The following RAB3GAP2 variants were observed in gnomAD, a reference collection of about 807,000 sequenced individuals.
RAB3GAP2 encodes the protein rab3 GTPase-activating protein non-catalytic subunit.
In RAB3GAP2, 87 loss-of-function variants were observed where a neutral mutation model predicts 185.3. The observed-to-expected ratio is 0.47, with a 90% CI of 0.39 to 0.56. The LOEUF is 0.56. Ranked by LOEUF, RAB3GAP2 falls within the 20% of genes least tolerant of loss-of-function variation. The pLI is 0.00. For synonymous variants in RAB3GAP2, 554 were observed against 576.1 expected (o/e 0.96, Z 0.55); for missense variants, 1,492 against 1,638.2 (o/e 0.91, Z 1.54).
intron 18 of RAB3GAP2, among the ~76,000 whole-genome samples, chr1:220,184,853 T>C (rs972277975): frequency 3.3e-5 from 5 of 151,984 alleles, no homozygotes; most frequent in East Asian, 3.9e-4. Flanking sequence ...AAGTGGTGTA[T>C]GCTAAAGGAG....
intron 21 of RAB3GAP2, among the ~76,000 whole-genome samples, chr1:220,181,893 A>T (rs1045759745): frequency 1.4e-5 from 2 of 146,304 alleles, no homozygotes; most frequent in Non-Finnish European, 3.0e-5. Flanking sequence ...CCACAAAAGT[A>T]AAAAAAAAAA....
chr1:220,183,935 TA>T (rs1265138052), intron 19 of RAB3GAP2, 100 bp downstream of exon 19: 26 of 1,056,428 alleles, frequency 2.5e-5, no homozygotes, highest in African/African-American at 1.1e-4. Flanking sequence ...TTTAAAGCTT[TA>T]AAAAAAATTC....
chr1:220,246,760 A>G (rs1412599888), intron 1 of RAB3GAP2, among the ~76,000 whole-genome samples: 1 of 127,528 alleles, frequency 7.8e-6, no homozygotes, highest in East Asian at 2.5e-4. Context: ...TCACACTCTG[A>G]GGACTGTCGT....
rs1003290247 is a variant in RAB3GAP2, at chr1:220,158,510, G to C, written c.3262-634C>G. 2.6e-5 allele frequency among the ~76,000 whole-genome samples: 4 copies of C among 151,280 alleles called. No individual in the cohort carries two copies. The South Asian group carries it at 8.4e-4, about 32-fold the overall frequency. ...GGCTGGAGTACAGTGGCACGATCTC[G>C]GCTCACTGCAACCTCCACCTCCCAG... On this transcript the variant is annotated intron_variant, in intron 29 of 34. Coordinates refer to ENST00000358951, the MANE Select transcript of RAB3GAP2 (RefSeq NM_012414.4). This position sits in a 1 kb window ranked among gnomAD's most constrained non-coding sequence, Gnocchi z 4.3.
intron 1 of RAB3GAP2, among the ~76,000 whole-genome samples, chr1:220,248,963 G>A: frequency 6.6e-6 from 1 of 152,216 alleles, no homozygotes; most frequent in East Asian, 1.9e-4. Flanking sequence ...TCCCCAGCCA[G>A]GCTCAACTGA....
At chr1:220,162,423 AATTTC>A (rs779116294) in intron 27 of RAB3GAP2, among the ~76,000 whole-genome samples, 155 bp from the exon 28 acceptor site, 110 of 152,306 alleles carry the variant, frequency 7.2e-4, no homozygotes, top group Non-Finnish European at 9.6e-4. Context: ...TGAAATCTTT[AATTTC>A]ATTTAAAATC....
chr1:220,219,116 G>A (rs893762614), intron 2 of RAB3GAP2, among the ~76,000 whole-genome samples: 6 of 152,174 alleles, frequency 3.9e-5, no homozygotes, highest in African/African-American at 1.4e-4. Context: ...AGGTGTGGAT[G>A]GGAGAAATCC....
intron 1 of RAB3GAP2, among the ~76,000 whole-genome samples, chr1:220,252,266 C>T (rs192121011): frequency 6.7e-6 from 1 of 149,296 alleles, no homozygotes; most frequent in East Asian, 2.0e-4. Context: ...TATAATTAAA[C>T]TACAAAGGTT....
intron 2 of RAB3GAP2, among the ~76,000 whole-genome samples, chr1:220,230,735 A>T (rs1659485029): frequency 6.6e-6 from 1 of 152,342 alleles, no homozygotes; most frequent in African/African-American, 2.4e-5. Flanking sequence ...ATGGATATTT[A>T]AAAATATTAA....
chr1:220,153,736 T>C, intron 32 of RAB3GAP2: 4 of 486,948 alleles, frequency 8.2e-6, no homozygotes, highest in South Asian at 6.2e-5. Context: ...TATCTCCTAA[T>C]GCTATCCCTC....
chr1:220,249,662 T>C (rs1659894964), intron 1 of RAB3GAP2, among the ~76,000 whole-genome samples: 2 of 152,136 alleles, frequency 1.3e-5, no homozygotes, highest in African/African-American at 4.8e-5. Flanking sequence ...CATGGCAGCC[T>C]CTCCCATCAC....
rs557235116 is a variant in RAB3GAP2, at chr1:220,272,415, G to A, written c.-78C>T. On this transcript the variant is annotated 5_prime_UTR_variant, in exon 1 of 35. Coordinates refer to ENST00000358951, the MANE Select transcript of RAB3GAP2 (RefSeq NM_012414.4). ...CCTCCACCCCACTGCGGCCGCCACC[G>A]AGCCCCAATAGCTCTAGCCAAGCAG... 491 of 962,344 alleles carry A rather than the reference G, an allele frequency of 5.1e-4. 3 individuals carry two copies. In the South Asian group the frequency reaches 5.2e-3, roughly 10 times the overall value. 59.6% of individuals were successfully genotyped at this position (962,344 alleles called of 1,614,324 possible).
intron 2 of RAB3GAP2, among the ~76,000 whole-genome samples, chr1:220,218,855 T>C (rs1387105012): frequency 6.6e-6 from 1 of 152,166 alleles, no homozygotes; most frequent in African/African-American, 2.4e-5. Context: ...GCTGTATACC[T>C]ATTCCAACTG....
Position 220,159,271 on chromosome 1 carries a change from C to A in RAB3GAP2, c.3261+115G>T, listed in dbSNP as rs1657917852. The A allele has an allele frequency of 6.9e-6, 6 of 868,744 alleles. No individual in the cohort carries two copies. The East Asian group carries it at 1.5e-4, about 21-fold the overall frequency. The allele number at this position is 868,744 out of a possible 1,614,324, so 53.8% of individuals were successfully genotyped here. On this transcript the variant is annotated intron_variant, in intron 29 of 34. Coordinates refer to ENST00000358951, the MANE Select transcript of RAB3GAP2 (RefSeq NM_012414.4). ...ATTCTCTTTTCATTTTTCTTATCTCCTTCTGATACGTCATCACAATGATAA... is the reference window on the plus strand; with the variant it reads ...ATTCTCTTTTCATTTTTCTTATCTCATTCTGATACGTCATCACAATGATAA...
intron 4 of RAB3GAP2, 51 bp downstream of exon 4, chr1:220,212,836 T>C (rs1571903853): frequency 1.4e-6 from 2 of 1,403,576 alleles, no homozygotes; most frequent in South Asian, 2.3e-5. Flanking sequence ...AGTCAAATAA[T>C]TTCATACATA....
chr1:220,212,911 C>G lies in RAB3GAP2; in HGVS notation c.362G>C (p.Ser121Thr), dbSNP rs771135171. 1 of 1,613,730 alleles carries G rather than the reference C, an allele frequency of 6.2e-7. No homozygotes were observed. Among genetic ancestry groups the G allele is most frequent in the Non-Finnish European group, 8.5e-7 (1 of 1,179,710 alleles). ...KEEMQFAVGW[S>T]GSLNVEEGEC... ...CCCTTCTTCGACATTTAAGGAACCA[C>G]TCCAGCCAACAGCAAATTGCATTTC... is the stretch of plus-strand genomic sequence containing the variant. Residue 121 changes from serine to threonine, a missense_variant, in exon 4 of 35, where the codon AGT (serine) becomes ACT (threonine). Transcript: ENST00000358951.
At chr1:220,215,208 G>T (rs1362050181) in intron 2 of RAB3GAP2, among the ~76,000 whole-genome samples, 6 of 151,932 alleles carry the variant, frequency 3.9e-5, no homozygotes, top group African/African-American at 1.4e-4. Flanking sequence ...GTGTGGAAGT[G>T]TATCAGTAAG....
intron 1 of RAB3GAP2, among the ~76,000 whole-genome samples, chr1:220,239,989 TA>T (rs146214516): frequency 0.37 from 49,512 of 134,958 alleles, 8,783 homozygotes; most frequent in African/African-American, 0.47. Context: ...TTTTGAAGAT[TA>T]AAAAAAAAAA....
chr1:220,241,175 C>A (rs1659690886), intron 1 of RAB3GAP2, among the ~76,000 whole-genome samples: 1 of 151,974 alleles, frequency 6.6e-6, no homozygotes, highest in African/African-American at 2.4e-5. Flanking sequence ...ATACATTATC[C>A]TAATTTGCTT....
Sources: gnomAD v4.1 joint callset for allele counts (sites outside exome capture counted in the v4.1 genomes callset) on GRCh38, gnomAD v4.1.1 for gene constraint, Gnocchi (gnomAD v3.1) non-coding constraint, MANE v1.5 for transcripts, NCBI Gene and HGNC (gene_info 2026-07-23, HGNC 2026-07-21) for gene names.